Variants in SGCZ observed in about 807,000 individuals in gnomAD.
SGCZ encodes the protein sarcoglycan zeta, also known as zeta-sarcoglycan.
A neutral mutation model predicts 41.3 loss-of-function variants in SGCZ; 40 were observed. The ratio of observed to expected loss-of-function variants is 0.97; its 90% CI spans 0.75 to 1.26. The LOEUF (loss-of-function observed/expected upper bound fraction) is 1.26, where lower values mean the gene tolerates loss of function less well. Among genes scored for constraint, SGCZ ranks in the 50% most tolerant of loss-of-function variants. SGCZ has a pLI of 0.00. For synonymous variants in SGCZ, 206 were observed against 137.5 expected, an observed-to-expected ratio of 1.50 and a Z score of -3.49; for missense variants, 552 against 369.8, an observed-to-expected ratio of 1.49 and a Z score of -4.04.
chr8:15,149,067 T>C (rs1156554572), intron 1 of SGCZ, among the ~76,000 whole-genome samples: 1 of 152,306 alleles, frequency 6.6e-6, no homozygotes, highest in African/African-American at 2.4e-5. Flanking sequence ...GAGGGAATTC[T>C]GTAAGTGTCT....
intron 1 of SGCZ, among the ~76,000 whole-genome samples, chr8:14,674,962 G>A (rs185840055): frequency 0.021 from 1,566 of 73,214 alleles, 47 homozygotes; most frequent in African/African-American, 0.13. Context: ...TTTTTGAGAT[G>A]GAGTCTCCCT....
At chr8:14,359,392 T>C (rs1184529313) in intron 2 of SGCZ, among the ~76,000 whole-genome samples, 1 of 152,050 alleles carries the variant, frequency 6.6e-6, no homozygotes, top group African/African-American at 2.4e-5. Context: ...AATAGATATG[T>C]ACAAAACGTT....
rs1010513024 is a variant in SGCZ, at chr8:14,359,418, A to G, written c.235-35214T>C. Among the ~76,000 whole-genome samples, 3 of 152,182 alleles carry G rather than the reference A, an allele frequency of 2.0e-5. No homozygotes were observed. In the South Asian group the frequency reaches 6.2e-4, roughly 31 times the overall value. The stretch of plus-strand genomic sequence containing the variant: ...ACAAAACGTTTCATCCAACAACTGC[A>G]GAATATACATTCTTCTTCTCGGTGC... On this transcript the variant is annotated intron_variant, in intron 2 of 7. Coordinates refer to ENST00000382080, the MANE Select transcript of SGCZ (RefSeq NM_139167.4).
At chr8:14,837,888 T>C (rs555226854) in intron 1 of SGCZ, among the ~76,000 whole-genome samples, 1 of 152,162 alleles carries the variant, frequency 6.6e-6, no homozygotes, top group Non-Finnish European at 1.5e-5. Flanking sequence ...GGGATATCCA[T>C]CACCTCAAGC....
chr8:15,130,030 G>A (rs190472681), intron 1 of SGCZ, among the ~76,000 whole-genome samples: 65 of 152,204 alleles, frequency 4.3e-4, no homozygotes, highest in Admixed American at 7.2e-4. Context: ...AAAAATATGA[G>A]TTGTTCTTTT....
rs148284825 is a variant in SGCZ, at chr8:15,134,042, G to A, written c.39+103543C>T. Among the ~76,000 whole-genome samples, 54 of 152,150 alleles carry A rather than the reference G, an allele frequency of 3.5e-4. No individual in the cohort carries two copies. The Middle Eastern group carries it at 0.01, about 29-fold the overall frequency. ...ATCAGCTTAAGTATGTGCTGATTAA[G>A]ACACTTAATAAAATACTTGATTAAG... On this transcript the variant is annotated intron_variant, in intron 1 of 7. Transcript: ENST00000382080.
intron 1 of SGCZ, among the ~76,000 whole-genome samples, chr8:15,138,926 G>A (rs997697422): frequency 6.6e-6 from 1 of 152,118 alleles, no homozygotes; most frequent in African/African-American, 2.4e-5. Context: ...ATATGATAAA[G>A]AAATGCCAAC....
At chr8:14,624,167 A>T (rs1000194469) in intron 1 of SGCZ, among the ~76,000 whole-genome samples, 2 of 152,166 alleles carry the variant, frequency 1.3e-5, no homozygotes, top group African/African-American at 2.4e-5. Context: ...TGCAGGGTCA[A>T]TGCAGACACA....
intron 4 of SGCZ, among the ~76,000 whole-genome samples, chr8:14,198,924 C>A (rs1805366527): frequency 6.6e-6 from 1 of 152,166 alleles, no homozygotes; most frequent in Non-Finnish European, 1.5e-5. Context: ...TTAATCCTGT[C>A]ATCTTCGTAA....
At chr8:14,799,829 C>T (rs560405841) in intron 1 of SGCZ, among the ~76,000 whole-genome samples, 3 of 152,214 alleles carry the variant, frequency 2.0e-5, no homozygotes, top group Non-Finnish European at 2.9e-5. Flanking sequence ...CCAAACATAA[C>T]CTAGCAAATG....
At chr8:14,120,504 C>T (rs1802665110) in intron 5 of SGCZ, among the ~76,000 whole-genome samples, 1 of 151,984 alleles carries the variant, frequency 6.6e-6, no homozygotes, top group African/African-American at 2.4e-5. Flanking sequence ...TTATATTTGG[C>T]TAGAATCACC....
intron 2 of SGCZ, among the ~76,000 whole-genome samples, chr8:14,339,286 G>A (rs1219568224): frequency 6.6e-6 from 1 of 152,148 alleles, no homozygotes. Flanking sequence ...GTTTACACCT[G>A]CCTAAAAGCC....
chr8:14,626,805 A>G (rs1338532675), intron 1 of SGCZ, among the ~76,000 whole-genome samples: 1 of 152,176 alleles, frequency 6.6e-6, no homozygotes, highest in Non-Finnish European at 1.5e-5. Context: ...TTGAATTTAC[A>G]TTTCTAGTCA....
At position 14,090,262 on chromosome 8, in the gene SGCZ, C is replaced by G; in HGVS notation, c.*181G>C. 2.0e-6 allele frequency: 1 copy of G among 496,614 alleles called. No homozygotes were observed. The highest frequency in any genetic ancestry group is 3.4e-6 in the Non-Finnish European group (1 of 295,884). The allele number at this position is 496,614 out of a possible 1,614,324, so 30.8% of individuals were successfully genotyped here. A position where few individuals can be genotyped will look rare whatever the true frequency, so the allele number is the denominator to read the frequency against. The stretch of plus-strand genomic sequence containing the variant: ...TCCACTGCTGTGTCAATCACACCCT[C>G]TGTGTTGAGCAGTACAGTAAATCAC... On this transcript the variant is annotated 3_prime_UTR_variant, in exon 8 of 8. Transcript: ENST00000382080.
At chr8:14,358,104 A>G (rs934403856) in intron 2 of SGCZ, among the ~76,000 whole-genome samples, 2 of 152,204 alleles carry the variant, frequency 1.3e-5, no homozygotes, top group African/African-American at 2.4e-5. Context: ...TATAAGCTCC[A>G]TAAAAGCACC....
chr8:14,915,241 A>G (rs141490327), intron 1 of SGCZ, among the ~76,000 whole-genome samples: 1 of 152,310 alleles, frequency 6.6e-6, no homozygotes, highest in African/African-American at 2.4e-5. Context: ...TAGGAAAGAA[A>G]TCTATTTGAA....
intron 3 of SGCZ, among the ~76,000 whole-genome samples, chr8:14,251,169 G>T (rs1413559911): frequency 6.6e-6 from 1 of 152,016 alleles, no homozygotes; most frequent in Non-Finnish European, 1.5e-5. Context: ...CAGAGGTTGT[G>T]GTGAGCAGAG....
In SGCZ at chr8:14,199,482, A is replaced by G. The variant is rs1047563447; in HGVS notation, c.425-34780T>C. Among the ~76,000 whole-genome samples the G allele has an allele frequency of 3.9e-5, 6 of 152,004 alleles. No homozygotes were observed. The South Asian group carries it at 6.2e-4, about 16-fold the overall frequency. The stretch of plus-strand genomic sequence containing the variant: ...GCCCTGCCTCCATTTGCCTTGTGAT[A>G]TTTTATTACCTTGTGAAGCATGTGA... On this transcript the variant is annotated intron_variant, in intron 4 of 7. Coordinates refer to ENST00000382080, the MANE Select transcript of SGCZ (RefSeq NM_139167.4).
intron 3 of SGCZ, among the ~76,000 whole-genome samples, chr8:14,246,258 T>C (rs1799085967): frequency 6.6e-6 from 1 of 152,198 alleles, no homozygotes. Flanking sequence ...CATGGAATAC[T>C]ATGCAGCCAT....
Sources: gnomAD v4.1 joint callset for allele counts (sites outside exome capture counted in the v4.1 genomes callset) on GRCh38, gnomAD v4.1.1 for gene constraint, MANE v1.5 for transcripts, NCBI Gene and HGNC (gene_info 2026-07-23, HGNC 2026-07-21) for gene names.